The following MLKL variants were observed in gnomAD, a reference collection of about 807,000 sequenced individuals.
MLKL encodes mixed lineage kinase domain-like protein.
Under a neutral mutation model 56.5 loss-of-function variants are expected in MLKL, and 55 were observed. That is an observed-to-expected ratio of 0.97 (90% CI 0.78 to 1.22). The LOEUF (loss-of-function observed/expected upper bound fraction) is 1.22. Among genes scored for constraint, MLKL ranks in the 50% most tolerant of loss-of-function variants. The pLI is 0.00. For synonymous variants in MLKL, 251 were observed against 208.3 expected (o/e 1.20, Z -1.76); for missense variants, 694 against 573.9 (o/e 1.21, Z -2.14).
In MLKL at chr16:74,676,545, G is replaced by C. The variant is rs371381859; in HGVS notation, c.1039-781C>G. ...CTGACATTCTCTTACATCTAGCGCC[G>C]TATGGGATACCAGGGATGAAAGGTG... On this transcript the variant is annotated intron_variant, in intron 7 of 10. Coordinates refer to ENST00000308807, the MANE Select transcript of MLKL (RefSeq NM_152649.4). 3.4e-6 allele frequency: 3 copies of C among 870,582 alleles called. No individual in the cohort carries two copies. In the African/African-American group the frequency reaches 5.5e-5, roughly 16 times the overall value. 53.9% of individuals were successfully genotyped at this position (870,582 alleles called of 1,614,324 possible). A position where few individuals can be genotyped will look rare whatever the true frequency, so the allele number is the denominator to read the frequency against.
intron 6 of MLKL, among the ~76,000 whole-genome samples, chr16:74,680,146 A>C (rs1411476430): frequency 6.6e-6 from 1 of 152,180 alleles, no homozygotes; most frequent in Non-Finnish European, 1.5e-5. Context: ...TCCAGTGCCC[A>C]CAGGCAATCC....
intron 2 of MLKL, among the ~76,000 whole-genome samples, chr16:74,692,841 GA>G (rs996348477): frequency 3.9e-4 from 60 of 152,324 alleles, no homozygotes; most frequent in African/African-American, 1.4e-3. Flanking sequence ...TTAGAACACT[GA>G]GTTGTTGTTT....
chr16:74,675,874 G>A lies in MLKL; in HGVS notation c.1039-110C>T. 2.5e-6 allele frequency: 3 copies of A among 1,197,278 alleles called. No individual in the cohort carries two copies. The South Asian group carries it at 4.4e-5, about 17-fold the overall frequency. The allele number at this position is 1,197,278 out of a possible 1,614,324, so 74.2% of individuals were successfully genotyped here. A position where few individuals can be genotyped will look rare whatever the true frequency, so the allele number is the denominator to read the frequency against. On this transcript the variant is annotated intron_variant, in intron 7 of 10. Transcript: ENST00000308807. ...CCAGGGAATTGTCTTTTACCTTAGGGATTTATTTCCTGTCGTGACTTCTGT... is the reference window on the plus strand; with the variant it reads ...CCAGGGAATTGTCTTTTACCTTAGGAATTTATTTCCTGTCGTGACTTCTGT...
chr16:74,679,022 A>C, intron 6 of MLKL, 42 bp from the exon 7 acceptor site: 1 of 1,533,614 alleles, frequency 6.5e-7, no homozygotes, highest in Non-Finnish European at 9.0e-7. Flanking sequence ...CCTTTGCCCA[A>C]ACTTTCTTTG....
In MLKL at chr16:74,687,302, G is replaced by A. The variant is rs115960619; in HGVS notation, c.723-1719C>T. 9.0e-3 allele frequency among the ~76,000 whole-genome samples: 1,365 copies of A among 152,122 alleles called. 12 individuals carry two copies. The highest frequency in any genetic ancestry group is 0.026 in the African/African-American group (1,091 of 41,480). On this transcript the variant is annotated intron_variant, in intron 4 of 10. Coordinates refer to ENST00000308807, the MANE Select transcript of MLKL (RefSeq NM_152649.4). ...GAAATTTTAAAAGATCTAAATAAAT[G>A]GAAACACGTCCCATGTTCTTGAATA...
chr16:74,680,195 T>A (rs1313302250), intron 6 of MLKL, among the ~76,000 whole-genome samples: 1 of 152,134 alleles, frequency 6.6e-6, no homozygotes, highest in African/African-American at 2.4e-5. Flanking sequence ...CAGCAAAGCA[T>A]GCCGAGAGGG....
At chr16:74,686,548 A>G (rs1183122960) in intron 4 of MLKL, among the ~76,000 whole-genome samples, 1 of 152,226 alleles carries the variant, frequency 6.6e-6, no homozygotes, top group Non-Finnish European at 1.5e-5. Flanking sequence ...ACACCATTGC[A>G]CTCCAGCCTG....
intron 7 of MLKL, chr16:74,676,532 T>G (rs1402266528): frequency 3.2e-6 from 3 of 939,518 alleles, no homozygotes; most frequent in East Asian, 2.3e-4. Flanking sequence ...GACATTCTCT[T>G]ACATCTAGCG....
At chr16:74,686,469 G>C (rs1320869165) in intron 4 of MLKL, among the ~76,000 whole-genome samples, 2 of 152,162 alleles carry the variant, frequency 1.3e-5, no homozygotes, top group Admixed American at 1.3e-4. Flanking sequence ...TGTAGCCCCA[G>C]CTACTTGGGA....
In MLKL at chr16:74,695,715, G is replaced by A. The variant is rs1194182863; in HGVS notation, c.43C>T (p.His15Tyr). ...TATTTCATCTCTTCACACCGTTTGT[G>A]GATGACCTGGCCAAGGGTGATAATA... is the stretch of plus-strand genomic sequence containing the variant. ...KHIITLGQVI[H>Y]KRCEEMKYCK... Residue 15 changes from histidine to tyrosine, a missense_variant, in exon 2 of 11, where the codon CAC (histidine) becomes TAC (tyrosine). Transcript: ENST00000308807. 1 of 1,612,962 alleles carries A rather than the reference G, an allele frequency of 6.2e-7. No homozygotes were observed. The highest frequency in any genetic ancestry group is 8.5e-7 in the Non-Finnish European group (1 of 1,179,630).
chr16:74,695,010 C>A (rs903221896), intron 2 of MLKL, among the ~76,000 whole-genome samples: 17 of 152,098 alleles, frequency 1.1e-4, no homozygotes, highest in Non-Finnish European at 2.9e-5. Context: ...GTAGCTGGGA[C>A]TACAGGCGCC....
intron 5 of MLKL, 54 bp downstream of exon 5, chr16:74,685,432 G>A: frequency 3.9e-6 from 5 of 1,278,294 alleles, no homozygotes; most frequent in Middle Eastern, 1.9e-4. Flanking sequence ...TTAAAACACA[G>A]GAGGTGTGTT....
intron 4 of MLKL, among the ~76,000 whole-genome samples, chr16:74,688,975 A>T (rs2144525525): frequency 6.6e-6 from 1 of 152,312 alleles, no homozygotes; most frequent in Middle Eastern, 3.4e-3. Flanking sequence ...TTCCATTTAC[A>T]TTGAAGATTC....
intron 4 of MLKL, 65 bp from the exon 5 acceptor site, chr16:74,685,648 G>A: frequency 7.6e-7 from 1 of 1,314,300 alleles, no homozygotes; most frequent in East Asian, 2.3e-5. Flanking sequence ...AACATTCAGT[G>A]TGGTGACCCT....
At position 74,685,524 on chromosome 16, in the gene MLKL, T is replaced by C; in HGVS notation, c.782A>G (p.Asn261Ser). 6.2e-7 allele frequency: 1 copy of C among 1,614,102 alleles called. No individual in the cohort carries two copies. Among genetic ancestry groups the C allele is most frequent in the Non-Finnish European group, 8.5e-7 (1 of 1,179,976 alleles). The change falls in exon 5 of 11, where the codon AAC (asparagine) becomes AGC (serine). Residue 261 changes from asparagine to serine, a missense_variant. Asn to Ser is a conservative substitution (Grantham distance 46). Coordinates refer to ENST00000308807, the MANE Select transcript of MLKL (RefSeq NM_152649.4). The stretch of plus-strand genomic sequence containing the variant: ...GCAAATCCCAAATATACGCAGGATG[T>C]TGGGAGATTCGAATTTCTTCATGGT... ...IKTMKKFESP[N>S]ILRIFGICID...
intron 1 of MLKL, 148 bp from the exon 2 acceptor site, chr16:74,695,907 C>T: frequency 2.7e-6 from 2 of 730,408 alleles, no homozygotes; most frequent in South Asian, 3.8e-5. Flanking sequence ...GTTTGCTACC[C>T]ACCAAAATCT....
chr16:74,688,950 C>A (rs561631248), intron 4 of MLKL, among the ~76,000 whole-genome samples: 16 of 152,094 alleles, frequency 1.1e-4, no homozygotes, highest in Admixed American at 3.3e-4. Flanking sequence ...ACTCAACAGG[C>A]CACATATTGT....
At chr16:74,683,563 C>T (rs1041158754) in intron 5 of MLKL, among the ~76,000 whole-genome samples, 11 of 149,268 alleles carry the variant, frequency 7.4e-5, no homozygotes, top group Middle Eastern at 3.5e-3. Flanking sequence ...CACCGCACTC[C>T]AGCCTGAGTG....
chr16:74,688,953 C>T (rs1222085186), intron 4 of MLKL, among the ~76,000 whole-genome samples: 1 of 152,046 alleles, frequency 6.6e-6, no homozygotes, highest in African/African-American at 2.4e-5. Context: ...CAACAGGCCA[C>T]ATATTGTATT....
Sources: allele counts gnomAD v4.1 joint callset (sites outside exome capture counted in the v4.1 genomes callset), GRCh38; gene constraint gnomAD v4.1.1; transcripts MANE v1.5; gene names NCBI Gene and HGNC (gene_info 2026-07-23, HGNC 2026-07-21).